NRXN3: variants seen among roughly 807,000 people sequenced by gnomAD.
NRXN3 encodes the protein neurexin III.
In NRXN3, 32 loss-of-function variants were observed where a neutral mutation model predicts 137.6. That is an observed-to-expected ratio of 0.23 (90% CI 0.18 to 0.31). The LOEUF (loss-of-function observed/expected upper bound fraction) is 0.31. Ranked by LOEUF, NRXN3 falls within the 10% of genes least tolerant of loss-of-function variation. NRXN3 has a pLI of 1.00. For missense variants in NRXN3, 1,574 were observed against 2,062.5 expected (o/e 0.76, Z 4.59); for synonymous variants, 798 against 784.5 (o/e 1.02, Z -0.29).
At chr14:78,366,579 GAA>G (rs2085977824) in intron 4 of NRXN3, among the ~76,000 whole-genome samples, 1 of 152,182 alleles carries the variant, frequency 6.6e-6, no homozygotes, top group South Asian at 2.1e-4. Flanking sequence ...AGACTGGGAA[GAA>G]AAAGAGTCTT....
chr14:78,837,043 C>G (rs555261345), intron 10 of NRXN3, among the ~76,000 whole-genome samples: 1 of 152,116 alleles, frequency 6.6e-6, no homozygotes, highest in Non-Finnish European at 1.5e-5. Context: ...CTACTGTCCA[C>G]CCCCCATCCT....
intron 4 of NRXN3, among the ~76,000 whole-genome samples, chr14:78,604,663 G>C (rs536058273): frequency 1.3e-5 from 2 of 152,276 alleles, no homozygotes; most frequent in South Asian, 2.1e-4. Flanking sequence ...TTATTTTATG[G>C]AAGAGGAATT....
intron 15 of NRXN3, among the ~76,000 whole-genome samples, chr14:79,400,275 C>T (rs1472321042): frequency 6.6e-6 from 1 of 152,156 alleles, no homozygotes; most frequent in Non-Finnish European, 1.5e-5. Flanking sequence ...GGCTCAGTGT[C>T]CACTGATAGT....
chr14:79,252,761 A>G (rs1444154636), intron 15 of NRXN3, among the ~76,000 whole-genome samples: 1 of 152,190 alleles, frequency 6.6e-6, no homozygotes. Context: ...GGCAGTCAGC[A>G]ACACAATTTT....
At chr14:78,446,606 G>A (rs1449779058) in intron 4 of NRXN3, among the ~76,000 whole-genome samples, 1 of 152,196 alleles carries the variant, frequency 6.6e-6, no homozygotes, top group African/African-American at 2.4e-5. Flanking sequence ...ACATTTGATA[G>A]TTTAAGGGTC....
chr14:79,358,585 G>GAA (rs1436192368), intron 15 of NRXN3, among the ~76,000 whole-genome samples: 6 of 78,054 alleles, frequency 7.7e-5, no homozygotes, highest in South Asian at 5.2e-4. Context: ...GAAAGAAAGA[G>GAA]AGAAAGAAAG....
At chr14:79,215,659 C>T (rs755646432) in intron 15 of NRXN3, among the ~76,000 whole-genome samples, 1 of 152,122 alleles carries the variant, frequency 6.6e-6, no homozygotes, top group Admixed American at 6.6e-5. Flanking sequence ...GGGAAACTGC[C>T]CCCATTATTC....
At chr14:79,667,509 T>C (rs185067520) in intron 17 of NRXN3, among the ~76,000 whole-genome samples, 3 of 152,136 alleles carry the variant, frequency 2.0e-5, no homozygotes, top group Non-Finnish European at 2.9e-5. Flanking sequence ...CCGTGAAATA[T>C]TTAGAACCCA....
intron 8 of NRXN3, among the ~76,000 whole-genome samples, chr14:78,765,032 G>C (rs1057252640): frequency 2.0e-5 from 3 of 152,130 alleles, no homozygotes; most frequent in African/African-American, 7.2e-5. Flanking sequence ...CCTGCAGCTG[G>C]GCAGGTTAAC....
intron 19 of NRXN3, among the ~76,000 whole-genome samples, chr14:79,744,196 T>A (rs1381853837): frequency 1.3e-5 from 2 of 152,146 alleles, no homozygotes; most frequent in Non-Finnish European, 2.9e-5. Context: ...GCCACAGAGC[T>A]TCAATATGTC....
chr14:79,202,505 A>G (rs2066182693), intron 15 of NRXN3, among the ~76,000 whole-genome samples: 1 of 151,948 alleles, frequency 6.6e-6, no homozygotes, highest in African/African-American at 2.4e-5. Flanking sequence ...ACTGTACCAT[A>G]TTTGTAGTCT....
At chr14:79,249,732 A>T (rs1201815231) in intron 15 of NRXN3, among the ~76,000 whole-genome samples, 3 of 152,212 alleles carry the variant, frequency 2.0e-5, no homozygotes, top group African/African-American at 7.2e-5. Flanking sequence ...GGAAAAAGAC[A>T]GTCTTATGAT....
intron 15 of NRXN3, among the ~76,000 whole-genome samples, chr14:79,091,802 A>C (rs1310987114): frequency 6.6e-6 from 1 of 152,102 alleles, no homozygotes; most frequent in African/African-American, 2.4e-5. Context: ...CCAAGTAGGA[A>C]CAAAAGTGAA....
chr14:79,350,298 C>T (rs1421389340), intron 15 of NRXN3, among the ~76,000 whole-genome samples: 1 of 152,116 alleles, frequency 6.6e-6, no homozygotes, highest in African/African-American at 2.4e-5. Context: ...TTAACAAGAA[C>T]AAGGCACAGA....
intron 15 of NRXN3, among the ~76,000 whole-genome samples, chr14:79,004,766 C>CT (rs1167211037): frequency 2.6e-5 from 4 of 152,128 alleles, no homozygotes; most frequent in Admixed American, 1.3e-4. Flanking sequence ...GTGAAGGATG[C>CT]TTTTTTCCTA....
At chr14:78,621,570 G>A (rs1400308226) in intron 4 of NRXN3, among the ~76,000 whole-genome samples, 1 of 151,976 alleles carries the variant, frequency 6.6e-6, no homozygotes, top group Non-Finnish European at 1.5e-5. Context: ...TTATGTTCTT[G>A]GAGATAATAA....
At chr14:79,148,278 G>C (rs8015420) in intron 15 of NRXN3, among the ~76,000 whole-genome samples, 149,723 of 152,264 alleles carry the variant, frequency 0.98, 73,661 homozygotes, top group Middle Eastern at 1. Flanking sequence ...AAACAGTGTT[G>C]TGAATGATTG....
At chr14:79,467,929 A>G (rs1186560548) in intron 16 of NRXN3, among the ~76,000 whole-genome samples, 2 of 152,226 alleles carry the variant, frequency 1.3e-5, no homozygotes, top group African/African-American at 2.4e-5. Flanking sequence ...CTGTATTCCA[A>G]TAAAAATGCA....
At chr14:78,456,559 G>A (rs559552523) in intron 4 of NRXN3, among the ~76,000 whole-genome samples, 65 of 152,216 alleles carry the variant, frequency 4.3e-4, no homozygotes, top group Non-Finnish European at 8.1e-4. Context: ...CCTTCTTTGC[G>A]TGTACTTCAT....
Sources: allele counts gnomAD v4.1 joint callset (sites outside exome capture counted in the v4.1 genomes callset), GRCh38; gene constraint gnomAD v4.1.1; transcripts MANE v1.5; gene names NCBI Gene and HGNC (gene_info 2026-07-23, HGNC 2026-07-21).